The following SAXO5 variants were observed in gnomAD, a reference collection of about 807,000 sequenced individuals.
The protein encoded by SAXO5 is testis expressed 45.
chr19:7,501,373 A>T, the SAXO5 span: 1 of 1,509,962 alleles, frequency 6.6e-7, no homozygotes, highest in Non-Finnish European at 8.8e-7. Context: ...GCGCGCCCGC[A>T]GCCTCGCGCG....
At chr19:7,498,196 CA>C in the SAXO5 span, among the ~76,000 whole-genome samples, 14 of 151,266 alleles carry the variant, frequency 9.3e-5, no homozygotes, top group Non-Finnish European at 1.5e-4. Context: ...CACACACACA[CA>C]CACCCTTCAT....
At chr19:7,498,192 C>T in the SAXO5 span, among the ~76,000 whole-genome samples, 5 of 150,594 alleles carry the variant, frequency 3.3e-5, no homozygotes, top group Non-Finnish European at 5.9e-5. Context: ...CACACACACA[C>T]ACACACACCC....
At chr19:7,500,668 C>A in the SAXO5 span, 1 of 654,844 alleles carries the variant, frequency 1.5e-6, no homozygotes, top group Non-Finnish European at 2.4e-6. Flanking sequence ...ACCAGTTTCC[C>A]GTGATGTCCC....
the SAXO5 span, chr19:7,505,926 C>A: frequency 6.5e-7 from 1 of 1,532,036 alleles, no homozygotes; most frequent in Non-Finnish European, 8.8e-7. Context: ...GGGGACCTCT[C>A]GGACGCCGGA....
the SAXO5 span, among the ~76,000 whole-genome samples, chr19:7,507,395 C>T: frequency 6.6e-6 from 1 of 152,018 alleles, no homozygotes; most frequent in Non-Finnish European, 1.5e-5. Flanking sequence ...CCAGCCTGGC[C>T]AACATGGTGA....
the SAXO5 span, chr19:7,506,118 C>T: frequency 1.9e-6 from 3 of 1,612,508 alleles, no homozygotes; most frequent in African/African-American, 4.0e-5. Flanking sequence ...GTGCAGAAAG[C>T]GCCCAACCTC....
At chr19:7,501,326 GC>G in the SAXO5 span, 1 of 1,570,032 alleles carries the variant, frequency 6.4e-7, no homozygotes, top group Non-Finnish European at 8.6e-7. Context: ...TGCGCATCCC[GC>G]CCACCACGCA....
the SAXO5 span, chr19:7,506,073 T>C: frequency 7.4e-6 from 12 of 1,613,942 alleles, no homozygotes; most frequent in African/African-American, 1.3e-5. Flanking sequence ...AAGACCACCA[T>C]GGGCTCGGAC....
the SAXO5 span, chr19:7,504,056 G>A: frequency 8.9e-7 from 1 of 1,119,112 alleles, no homozygotes; most frequent in Non-Finnish European, 1.3e-6. Context: ...CCTTCCAGAG[G>A]GCTTGAGATG....
At chr19:7,503,764 C>T in the SAXO5 span, among the ~76,000 whole-genome samples, 7 of 152,124 alleles carry the variant, frequency 4.6e-5, no homozygotes, top group South Asian at 1.5e-3. Flanking sequence ...GGATTACAGG[C>T]ATGAGCCACC....
chr19:7,507,134 T>C, the SAXO5 span: 8 of 1,613,718 alleles, frequency 5.0e-6, no homozygotes, highest in Non-Finnish European at 5.9e-6. Flanking sequence ...GAAGAGATGC[T>C]ACAGCGGGTA....
chr19:7,501,240 C>G, the SAXO5 span: 2 of 1,555,970 alleles, frequency 1.3e-6, no homozygotes, highest in African/African-American at 1.4e-5. Context: ...GCTGCCGGCG[C>G]GCACCCGAGA....
At chr19:7,507,034 C>G in the SAXO5 span, 1 of 1,607,016 alleles carries the variant, frequency 6.2e-7, no homozygotes, top group Admixed American at 1.7e-5. Context: ...CCTCACTCAG[C>G]CTCCCCAACC....
chr19:7,503,375 AAG>A, the SAXO5 span, among the ~76,000 whole-genome samples: 3 of 151,914 alleles, frequency 2.0e-5, no homozygotes, highest in Non-Finnish European at 4.4e-5. Flanking sequence ...TCCAAAATAA[AAG>A]AGAGACGGAG....
the SAXO5 span, chr19:7,499,808 A>T: frequency 4.2e-5 from 6 of 143,912 alleles, no homozygotes; most frequent in Non-Finnish European, 6.1e-5. Context: ...CCCTGTCTCT[A>T]AAAAAAAAAA....
At chr19:7,505,483 C>G in the SAXO5 span, 2 of 1,613,776 alleles carry the variant, frequency 1.2e-6, no homozygotes, top group Non-Finnish European at 1.7e-6. Flanking sequence ...CGCAGCCTCC[C>G]AGGGCAGCTC....
At chr19:7,500,476 T>A in the SAXO5 span, among the ~76,000 whole-genome samples, 13 of 151,986 alleles carry the variant, frequency 8.6e-5, no homozygotes, top group East Asian at 3.9e-4. Context: ...TAATTTTTTT[T>A]AAAAATTATT....
the SAXO5 span, among the ~76,000 whole-genome samples, chr19:7,500,639 G>A: frequency 6.6e-6 from 1 of 152,158 alleles, no homozygotes; most frequent in Non-Finnish European, 1.5e-5. Flanking sequence ...CTCTCGCTGG[G>A]GGAAGGCACA....
chr19:7,507,451 C>T, the SAXO5 span, among the ~76,000 whole-genome samples: 3 of 152,160 alleles, frequency 2.0e-5, no homozygotes, highest in South Asian at 2.1e-4. Flanking sequence ...GGCATGGTGG[C>T]GCATGCCTGT....
Sources: allele counts gnomAD v4.1 joint callset (sites outside exome capture counted in the v4.1 genomes callset), GRCh38; gene constraint gnomAD v4.1.1; transcripts MANE v1.5; gene names NCBI Gene and HGNC (gene_info 2026-07-23, HGNC 2026-07-21).